The following RTL4 variants were observed in gnomAD, a reference collection of about 807,000 sequenced individuals.
The protein encoded by RTL4 is retrotransposon Gag like 4, also known as retrotransposon Gag-like protein 4.
A neutral mutation model predicts 5.3 loss-of-function variants in RTL4; 4 were observed. The ratio of observed to expected loss-of-function variants is 0.75; its 90% CI spans 0.37 to 1.72. RTL4 has a LOEUF of 1.72. Among genes scored for constraint, RTL4 ranks in the 40% most tolerant of loss-of-function variants. The pLI is 0.04. For missense variants in RTL4, 260 were observed against 227.1 expected (o/e 1.14, Z -0.93); for synonymous variants, 98 against 87.3 (o/e 1.12, Z -0.68).
chrX:112,288,498 T>A, the RTL4 span, among the ~76,000 whole-genome samples: 1 of 112,248 alleles, frequency 8.9e-6, no homozygotes, highest in Admixed American at 9.5e-5. Flanking sequence ...CAATAGTCAA[T>A]AAGCAGCTAT....
the RTL4 span, among the ~76,000 whole-genome samples, chrX:112,326,605 G>C: frequency 2.7e-5 from 3 of 112,091 alleles, no homozygotes; most frequent in Non-Finnish European, 5.6e-5. Context: ...GCCCAGGCTT[G>C]CCTAGGTAAA....
the RTL4 span, among the ~76,000 whole-genome samples, chrX:112,124,504 A>G: frequency 5.4e-5 from 6 of 112,000 alleles, no homozygotes; most frequent in African/African-American, 1.9e-4. Flanking sequence ...AAATGGAATG[A>G]GATCATGTCC....
the RTL4 span, among the ~76,000 whole-genome samples, chrX:112,153,492 T>G: frequency 1.8e-5 from 2 of 112,236 alleles, no homozygotes; most frequent in African/African-American, 6.5e-5. Context: ...TTTTATTTAC[T>G]GACTATTTAA....
chrX:112,123,522 T>C, the RTL4 span, among the ~76,000 whole-genome samples: 8 of 112,235 alleles, frequency 7.1e-5, no homozygotes, highest in African/African-American at 2.6e-4. Flanking sequence ...CAGTTTCAGT[T>C]TTCTGCATAT....
At chrX:112,295,266 C>T in the RTL4 span, among the ~76,000 whole-genome samples, 1 of 111,179 alleles carries the variant, frequency 9.0e-6, no homozygotes, top group East Asian at 2.8e-4. Flanking sequence ...CATAGTCTTC[C>T]ACCACTGAGA....
chrX:112,192,219 C>T, the RTL4 span, among the ~76,000 whole-genome samples: 1 of 108,577 alleles, frequency 9.2e-6, no homozygotes, highest in African/African-American at 3.3e-5. Flanking sequence ...CAGAGTTTTA[C>T]TTCTTCCTTT....
chrX:112,245,744 A>AAAGAGCTGCAATCC, the RTL4 span, among the ~76,000 whole-genome samples: 1 of 112,340 alleles, frequency 8.9e-6, no homozygotes, highest in African/African-American at 3.2e-5. Flanking sequence ...CATTGCTGGT[A>AAAGAGCTGCAATCC]AAGAGCTGCA....
chrX:112,427,573 C>T, the RTL4 span, among the ~76,000 whole-genome samples: 12 of 110,640 alleles, frequency 1.1e-4, no homozygotes, highest in African/African-American at 3.6e-4. Context: ...TAGTTTTCAA[C>T]GTTGTACTGA....
the RTL4 span, among the ~76,000 whole-genome samples, chrX:112,125,087 T>A: frequency 9.5e-6 from 1 of 105,356 alleles, no homozygotes; most frequent in Non-Finnish European, 1.9e-5. Flanking sequence ...TTTTTTTTTA[T>A]TAGAGATGGG....
chrX:112,314,975 C>T, the RTL4 span, among the ~76,000 whole-genome samples: 12 of 111,554 alleles, frequency 1.1e-4, no homozygotes, highest in African/African-American at 3.9e-4. Context: ...ATTGTGAAGC[C>T]GTGAAGTTGG....
At chrX:112,450,802 G>A (rs1926721694), upstream of RTL4, among the ~76,000 whole-genome samples, 1 of 111,856 alleles carries the variant, frequency 8.9e-6, no homozygotes, top group Admixed American at 9.5e-5. Context: ...GGAAAGGAAG[G>A]AAAATTTAAA....
chrX:112,328,258 A>C, the RTL4 span, among the ~76,000 whole-genome samples: 2 of 110,656 alleles, frequency 1.8e-5, no homozygotes, highest in Non-Finnish European at 3.8e-5. Context: ...TATTCAGGAA[A>C]CCCATCTCAT....
the RTL4 span, among the ~76,000 whole-genome samples, chrX:112,312,917 C>T: frequency 7.2e-5 from 8 of 110,560 alleles, no homozygotes; most frequent in Admixed American, 6.9e-4. Context: ...TTTGTAGGCC[C>T]ACTTATCCAG....
chrX:112,316,547 C>T, the RTL4 span, among the ~76,000 whole-genome samples: 1 of 111,811 alleles, frequency 8.9e-6, no homozygotes, highest in Non-Finnish European at 1.9e-5. Flanking sequence ...TGCAATATAT[C>T]CATGTAAAAC....
At chrX:112,435,752 A>G in the RTL4 span, among the ~76,000 whole-genome samples, 1 of 112,490 alleles carries the variant, frequency 8.9e-6, no homozygotes, top group Non-Finnish European at 1.9e-5. Context: ...AAGCATAAAC[A>G]AAAAACTTTT....
At chrX:112,103,820 AATAT>A in the RTL4 span, among the ~76,000 whole-genome samples, 1 of 111,270 alleles carries the variant, frequency 9.0e-6, no homozygotes, top group Non-Finnish European at 1.9e-5. Context: ...GATGTTTTGA[AATAT>A]ATATACATTG....
the RTL4 span, among the ~76,000 whole-genome samples, chrX:112,282,876 T>C: frequency 8.9e-6 from 1 of 111,924 alleles, no homozygotes; most frequent in Non-Finnish European, 1.9e-5. Flanking sequence ...AGACTGCTAT[T>C]TGACATAAGA....
the RTL4 span, among the ~76,000 whole-genome samples, chrX:112,412,810 G>A: frequency 9.0e-6 from 1 of 111,088 alleles, no homozygotes; most frequent in African/African-American, 3.3e-5. Context: ...TATATTTTGA[G>A]TAATACTCCA....
chrX:112,211,287 G>A, the RTL4 span, among the ~76,000 whole-genome samples: 4 of 111,967 alleles, frequency 3.6e-5, no homozygotes, highest in Admixed American at 9.5e-5. Flanking sequence ...TAAAACAAGA[G>A]GACAGAGGGT....
Sources: allele counts gnomAD v4.1 joint callset (sites outside exome capture counted in the v4.1 genomes callset), GRCh38; gene constraint gnomAD v4.1.1; transcripts MANE v1.5; gene names NCBI Gene and HGNC (gene_info 2026-07-23, HGNC 2026-07-21).